The following NTRK3 variants were observed in gnomAD, a reference collection of about 807,000 sequenced individuals.
The protein encoded by NTRK3 is NT-3 growth factor receptor.
NTRK3 carries 24 observed loss-of-function variants against 91.7 expected under a neutral mutation model. The observed-to-expected ratio is 0.26, with a 90% CI of 0.19 to 0.37. The LOEUF (loss-of-function observed/expected upper bound fraction) is 0.37. Among genes scored for constraint, NTRK3 ranks in the 10% least tolerant of loss-of-function variants. The probability of loss-of-function intolerance (pLI) is 1.00; values close to 1 mark genes in which losing one functional copy is unlikely to be tolerated. For missense variants in NTRK3, 880 were observed against 1,068.9 expected (o/e 0.82, Z 2.46); for synonymous variants, 483 against 404.0 (o/e 1.20, Z -2.34).
intron 13 of NTRK3, among the ~76,000 whole-genome samples, chr15:88,055,167 G>A (rs2045573087): frequency 6.6e-6 from 1 of 152,172 alleles, no homozygotes; most frequent in Non-Finnish European, 1.5e-5. Flanking sequence ...CATGGCCTCA[G>A]CCTTCTGCAG....
intron 13 of NTRK3, among the ~76,000 whole-genome samples, chr15:88,115,816 G>A (rs1268657926): frequency 2.0e-5 from 3 of 152,120 alleles, no homozygotes; most frequent in African/African-American, 4.8e-5. Flanking sequence ...CTCTGAGGCC[G>A]GCGGGCAGCC....
intron 13 of NTRK3, among the ~76,000 whole-genome samples, chr15:88,070,693 C>T (rs1439405129): frequency 1.3e-5 from 2 of 152,120 alleles, no homozygotes; most frequent in African/African-American, 2.4e-5. Flanking sequence ...AGCCCAACCA[C>T]CTGTCCACTC....
Position 88,255,854 on chromosome 15 carries a change from G to C in NTRK3, c.248+52C>G. On this transcript the variant is annotated intron_variant, in intron 3 of 18. Coordinates refer to ENST00000394480, the Ensembl canonical transcript of NTRK3. This position sits in a 1 kb window ranked among gnomAD's most constrained non-coding sequence, Gnocchi z 4.3. The stretch of plus-strand genomic sequence containing the variant: ...GGCTCCCGGCCGCGGGTGGGCAGGA[G>C]GGAGACGCAGAGCGCGGGGGAGGCA... 1 of 1,546,524 alleles carries C rather than the reference G, an allele frequency of 6.5e-7. No individual in the cohort carries two copies. The highest frequency in any genetic ancestry group is 8.8e-7 in the Non-Finnish European group (1 of 1,138,366).
At chr15:88,069,151 C>T (rs1439071186) in intron 13 of NTRK3, among the ~76,000 whole-genome samples, 1 of 152,178 alleles carries the variant, frequency 6.6e-6, no homozygotes, top group African/African-American at 2.4e-5. Context: ...TCAAGTCCTA[C>T]AGTAGAAGCA....
chr15:87,905,053 C>A (rs1431594734), intron 17 of NTRK3, among the ~76,000 whole-genome samples: 5 of 152,100 alleles, frequency 3.3e-5, no homozygotes, highest in Non-Finnish European at 5.9e-5. Context: ...ATGAGGTAAC[C>A]CTACCCAATA....
chr15:88,196,434 T>C lies in NTRK3; in HGVS notation c.249-12135A>G, dbSNP rs186755331. Reference sequence around the variant, plus strand: ...GGCTGGGATGGGGGCTGCAGAAGAATGTGGAGCAGGGGCTGCAGGAGGGAG... The same window carrying C: ...GGCTGGGATGGGGGCTGCAGAAGAACGTGGAGCAGGGGCTGCAGGAGGGAG... On this transcript the variant is annotated intron_variant, in intron 3 of 18. Coordinates refer to ENST00000394480, the Ensembl canonical transcript of NTRK3. Among the ~76,000 whole-genome samples, 344 of 152,184 alleles carry C rather than the reference T, an allele frequency of 2.3e-3. 6 individuals are homozygous for C. The highest frequency in any genetic ancestry group is 0.023 in the East Asian group (117 of 5,178).
intron 5 of NTRK3, among the ~76,000 whole-genome samples, chr15:88,175,824 A>T (rs2045940675): frequency 2.6e-5 from 4 of 152,234 alleles, no homozygotes; most frequent in Admixed American, 2.6e-4. Context: ...AGATATACAG[A>T]TATATGTGAT....
At chr15:88,033,335 G>T (rs548834427) in intron 13 of NTRK3, among the ~76,000 whole-genome samples, 1 of 147,756 alleles carries the variant, frequency 6.8e-6, no homozygotes, top group Non-Finnish European at 1.5e-5. Context: ...AAATGAAATA[G>T]AGTCTCTCTC....
intron 14 of NTRK3, among the ~76,000 whole-genome samples, chr15:87,962,876 T>A (rs1313916866): frequency 6.6e-6 from 1 of 152,202 alleles, no homozygotes; most frequent in African/African-American, 2.4e-5. Flanking sequence ...AGAGGCTTCA[T>A]TCAGAATTCC....
intron 13 of NTRK3, among the ~76,000 whole-genome samples, chr15:88,081,390 C>G (rs1870736): frequency 0.36 from 55,265 of 151,998 alleles, 10,412 homozygotes; most frequent in Non-Finnish European, 0.42. Flanking sequence ...TGCAAACTGC[C>G]GTCACATTTT....
chr15:88,216,831 C>G (rs767902373), intron 3 of NTRK3, among the ~76,000 whole-genome samples: 1 of 152,208 alleles, frequency 6.6e-6, no homozygotes, highest in Non-Finnish European at 1.5e-5. Flanking sequence ...TCTCACCCTT[C>G]CTTGCTACAG....
chr15:87,918,190 C>T (rs1055790622), intron 17 of NTRK3, among the ~76,000 whole-genome samples: 4 of 152,218 alleles, frequency 2.6e-5, no homozygotes, highest in Non-Finnish European at 5.9e-5. Flanking sequence ...TGGGCCAGTG[C>T]AATGGCCTGC....
At chr15:88,181,240 T>G (rs1462436107) in intron 5 of NTRK3, among the ~76,000 whole-genome samples, 1 of 152,118 alleles carries the variant, frequency 6.6e-6, no homozygotes. Flanking sequence ...ATGGTATCCT[T>G]GGGTCCTCCT....
intron 14 of NTRK3, among the ~76,000 whole-genome samples, chr15:88,008,217 G>C (rs960038868): frequency 6.6e-6 from 1 of 152,178 alleles, no homozygotes; most frequent in Non-Finnish European, 1.5e-5. Context: ...TTGGCTCTTG[G>C]AGAAGTTCCA....
chr15:87,947,668 G>C (rs969944920), intron 14 of NTRK3, among the ~76,000 whole-genome samples: 2 of 152,012 alleles, frequency 1.3e-5, no homozygotes, highest in Non-Finnish European at 2.9e-5. Flanking sequence ...AGGGAGGAGG[G>C]AGGAGGGAGA....
chr15:88,126,512 G>T lies in NTRK3; in HGVS notation c.1294-139C>A. 3 of 605,878 alleles carry T rather than the reference G, an allele frequency of 5.0e-6. No individual in the cohort carries two copies. In the South Asian group the frequency reaches 6.1e-5, roughly 12 times the overall value. 37.5% of individuals were successfully genotyped at this position (605,878 alleles called of 1,614,324 possible). A position where few individuals can be genotyped will look rare whatever the true frequency, so the allele number is the denominator to read the frequency against. On this transcript the variant is annotated intron_variant, in intron 12 of 18. Coordinates refer to ENST00000394480, the Ensembl canonical transcript of NTRK3. The stretch of plus-strand genomic sequence containing the variant: ...TCTCAGAACTGCAATACTGAGTAAG[G>T]TCTTTAGAAGAAGAAATATATGAGA...
intron 14 of NTRK3, among the ~76,000 whole-genome samples, chr15:88,031,335 C>T (rs1203894999): frequency 6.6e-6 from 1 of 152,144 alleles, no homozygotes; most frequent in South Asian, 2.1e-4. Context: ...GGTCTCTGCT[C>T]AAATATCAAC....
intron 14 of NTRK3, among the ~76,000 whole-genome samples, chr15:88,008,576 C>T (rs1401137248): frequency 1.3e-5 from 2 of 152,054 alleles, no homozygotes; most frequent in Non-Finnish European, 2.9e-5. Context: ...TATTTACTAT[C>T]CATGGAACTA....
chr15:88,244,385 G>A (rs1158264854), intron 3 of NTRK3, among the ~76,000 whole-genome samples: 1 of 152,144 alleles, frequency 6.6e-6, no homozygotes, highest in Non-Finnish European at 1.5e-5. Flanking sequence ...ATTAAATAAC[G>A]TGCTCACAGT....
Sources: allele counts gnomAD v4.1 joint callset (sites outside exome capture counted in the v4.1 genomes callset), GRCh38; gene constraint gnomAD v4.1.1; non-coding constraint Gnocchi (gnomAD v3.1); transcripts MANE v1.5; gene names NCBI Gene and HGNC (gene_info 2026-07-23, HGNC 2026-07-21).